ANKRD31: variants seen among roughly 807,000 people sequenced by gnomAD.
ANKRD31 encodes the protein ankyrin repeat domain-containing protein 31.
ANKRD31 carries 147 observed loss-of-function variants against 186.0 expected under a neutral mutation model. The observed-to-expected ratio is 0.79, with a 90% CI of 0.69 to 0.91. The LOEUF (loss-of-function observed/expected upper bound fraction) is 0.91, where lower values mean the gene tolerates loss of function less well. Ranked by LOEUF, ANKRD31 falls within the 40% of genes least tolerant of loss-of-function variation. The pLI is 0.00. For missense variants in ANKRD31, 1,986 were observed against 2,148.8 expected, an observed-to-expected ratio of 0.92 and a Z score of 1.50; for synonymous variants, 673 against 736.4, an observed-to-expected ratio of 0.91 and a Z score of 1.39.
intron 2 of ANKRD31, 141 bp downstream of exon 2, chr5:75,230,421 T>C (rs1243367978): frequency 4.9e-6 from 3 of 606,916 alleles, no homozygotes; most frequent in Admixed American, 3.4e-5. Flanking sequence ...CTGTTATTTA[T>C]ACAAATTAGC....
chr5:75,230,155 G>A (rs1032719789), intron 2 of ANKRD31, among the ~76,000 whole-genome samples: 3 of 151,180 alleles, frequency 2.0e-5, no homozygotes, highest in Non-Finnish European at 1.5e-5. Flanking sequence ...CCCTGAGCAC[G>A]GGCTCTTCAA....
At chr5:75,080,162 A>G (rs1265089065) in intron 25 of ANKRD31, among the ~76,000 whole-genome samples, 2 of 152,304 alleles carry the variant, frequency 1.3e-5, no homozygotes, top group African/African-American at 4.8e-5. Context: ...AATCCCATTT[A>G]CCATTTGTTA....
chr5:75,141,903 C>A (rs1372809822), intron 15 of ANKRD31, among the ~76,000 whole-genome samples: 5 of 152,108 alleles, frequency 3.3e-5, no homozygotes, highest in Admixed American at 3.3e-4. Flanking sequence ...ATGTAATATA[C>A]ATTTTGGAGC....
chr5:75,176,447 C>T (rs1367206152), intron 10 of ANKRD31, among the ~76,000 whole-genome samples: 2 of 152,200 alleles, frequency 1.3e-5, no homozygotes, highest in East Asian at 1.9e-4. Flanking sequence ...CAAGTGGGTC[C>T]CTGACCCCCG....
intron 9 of ANKRD31, among the ~76,000 whole-genome samples, chr5:75,190,811 A>G (rs1755061718): frequency 6.6e-6 from 1 of 152,088 alleles, no homozygotes; most frequent in Non-Finnish European, 1.5e-5. Context: ...CCATGAAACC[A>G]TCACCACCAT....
At chr5:75,173,344 T>C (rs188507462) in intron 10 of ANKRD31, among the ~76,000 whole-genome samples, 2 of 152,136 alleles carry the variant, frequency 1.3e-5, no homozygotes, top group African/African-American at 4.8e-5. Context: ...ATACCCTCTC[T>C]CAACTCCTAT....
At chr5:75,153,932 G>T (rs1157820912) in intron 12 of ANKRD31, among the ~76,000 whole-genome samples, 3 of 152,064 alleles carry the variant, frequency 2.0e-5, no homozygotes, top group Admixed American at 6.6e-5. Flanking sequence ...AAAGGATTTT[G>T]GGGAAAAGAA....
intron 10 of ANKRD31, among the ~76,000 whole-genome samples, chr5:75,179,153 C>A (rs906666564): frequency 3.5e-4 from 53 of 151,828 alleles, no homozygotes; most frequent in African/African-American, 1.2e-3. Context: ...ATAAATTCCT[C>A]GACACATACA....
intron 10 of ANKRD31, among the ~76,000 whole-genome samples, chr5:75,173,523 C>T (rs901261412): frequency 4.6e-5 from 7 of 152,176 alleles, no homozygotes; most frequent in Admixed American, 3.9e-4. Context: ...TGATAAGCAA[C>T]TTCAGCAAAG....
intron 1 of ANKRD31, among the ~76,000 whole-genome samples, chr5:75,234,691 TA>T (rs1270707624): frequency 6.6e-6 from 1 of 152,242 alleles, no homozygotes; most frequent in East Asian, 1.9e-4. Context: ...CACTATTTTC[TA>T]AAAACAGAAG....
At chr5:75,194,120 A>G (rs1755299304) in intron 7 of ANKRD31, among the ~76,000 whole-genome samples, 1 of 152,146 alleles carries the variant, frequency 6.6e-6, no homozygotes, top group Non-Finnish European at 1.5e-5. Context: ...CCATGAACAT[A>G]TGTATTCTTT....
intron 11 of ANKRD31, among the ~76,000 whole-genome samples, chr5:75,167,926 G>A (rs1753038118): frequency 6.6e-6 from 1 of 152,086 alleles, no homozygotes; most frequent in Non-Finnish European, 1.5e-5. Flanking sequence ...TTGGCGTGAG[G>A]TTTCTCTGCT....
intron 17 of ANKRD31, among the ~76,000 whole-genome samples, chr5:75,119,867 T>C (rs1396959508): frequency 6.6e-6 from 1 of 152,202 alleles, no homozygotes; most frequent in East Asian, 1.9e-4. Flanking sequence ...ATTTTTTTCA[T>C]ATGTTTGTTG....
intron 19 of ANKRD31, among the ~76,000 whole-genome samples, chr5:75,112,884 G>C (rs968056344): frequency 6.6e-6 from 1 of 152,172 alleles, no homozygotes; most frequent in African/African-American, 2.4e-5. Flanking sequence ...ACTGACTTCT[G>C]TTGAAACTAT....
At chr5:75,098,788 T>C (rs1746553319) in intron 22 of ANKRD31, among the ~76,000 whole-genome samples, 1 of 152,246 alleles carries the variant, frequency 6.6e-6, no homozygotes, top group Non-Finnish European at 1.5e-5. Context: ...TTTTGTATCC[T>C]GAGACTTTGC....
chr5:75,190,507 T>C (rs1368398378), intron 9 of ANKRD31, among the ~76,000 whole-genome samples: 1 of 152,106 alleles, frequency 6.6e-6, no homozygotes, highest in Non-Finnish European at 1.5e-5. Flanking sequence ...TTATATATTT[T>C]GTAGAATTCA....
intron 10 of ANKRD31, among the ~76,000 whole-genome samples, chr5:75,183,639 T>C (rs963470133): frequency 1.3e-5 from 2 of 151,664 alleles, no homozygotes; most frequent in African/African-American, 4.8e-5. Flanking sequence ...GAAAAAGAAT[T>C]CAAGAAAACA....
rs1372550424 is a variant in ANKRD31 at position 75,104,619 on chromosome 5, G to A, written c.4940C>T (p.Thr1647Ile). 1 of 1,536,610 alleles carries A rather than the reference G, an allele frequency of 6.5e-7. No homozygotes were observed. Among genetic ancestry groups the A allele is most frequent in the African/African-American group, 1.4e-5 (1 of 73,124 alleles). ...PVIGKLNISE[T>I]ASVLAENAAH... The stretch of plus-strand genomic sequence containing the variant: ...AGCATTTTCGGCAAGGACACTTGCA[G>A]TTTCTGAAATATTTAATTTGCCGAT... The change falls in exon 22 of 26, where the codon ACT becomes ATT. Residue 1647 changes from threonine (T) to isoleucine (I), a missense_variant. Thr to Ile is a moderately conservative substitution (Grantham distance 89). Coordinates refer to ENST00000506364, the MANE Select transcript of ANKRD31 (RefSeq NM_001372053.1).
chr5:75,098,731 TTGTC>T (rs1412469770), intron 22 of ANKRD31, among the ~76,000 whole-genome samples: 8 of 152,218 alleles, frequency 5.3e-5, no homozygotes, highest in Non-Finnish European at 8.8e-5. Context: ...GGCTCTCTGT[TTGTC>T]TGTTGTTGGT....
Sources: allele counts gnomAD v4.1 joint callset (sites outside exome capture counted in the v4.1 genomes callset), GRCh38; gene constraint gnomAD v4.1.1; transcripts MANE v1.5; gene names NCBI Gene and HGNC (gene_info 2026-07-23, HGNC 2026-07-21).